ATP8A2: variants seen among roughly 807,000 people sequenced by gnomAD.
ATP8A2 encodes ATPase phospholipid transporting 8A2.
A neutral mutation model predicts 165.6 loss-of-function variants in ATP8A2; 100 were observed. That is an observed-to-expected ratio of 0.60 (90% CI 0.51 to 0.71). The LOEUF (loss-of-function observed/expected upper bound fraction) is 0.71, where lower values mean the gene tolerates loss of function less well. Among genes scored for constraint, ATP8A2 ranks in the 30% least tolerant of loss-of-function variants. The pLI is 0.00. For missense variants in ATP8A2, 1,227 were observed against 1,479.5 expected (o/e 0.83, Z 2.80); for synonymous variants, 543 against 548.8 (o/e 0.99, Z 0.15).
At chr13:25,818,872 C>A (rs1355515630) in intron 27 of ATP8A2, among the ~76,000 whole-genome samples, 1 of 152,022 alleles carries the variant, frequency 6.6e-6, no homozygotes, top group Non-Finnish European at 1.5e-5. Flanking sequence ...AGCCAGATAA[C>A]AATACAATAA....
At chr13:25,638,512 T>G (rs921327057) in intron 24 of ATP8A2, among the ~76,000 whole-genome samples, 8 of 152,030 alleles carry the variant, frequency 5.3e-5, no homozygotes, top group Admixed American at 4.6e-4. Context: ...TATCAGTGAT[T>G]GAAGATCAAA....
chr13:25,435,497 T>C (rs2034733443), intron 1 of ATP8A2, among the ~76,000 whole-genome samples: 1 of 152,190 alleles, frequency 6.6e-6, no homozygotes. Flanking sequence ...GCTTAAGTTT[T>C]GTTTTTATCA....
At chr13:25,624,001 C>T (rs2041042029) in intron 24 of ATP8A2, among the ~76,000 whole-genome samples, 1 of 151,892 alleles carries the variant, frequency 6.6e-6, no homozygotes, top group Admixed American at 6.6e-5. Flanking sequence ...CATCCTTCCC[C>T]TTCCTGGGCT....
chr13:25,915,311 A>G (rs1418582394), intron 33 of ATP8A2, among the ~76,000 whole-genome samples: 1 of 152,216 alleles, frequency 6.6e-6, no homozygotes, highest in East Asian at 1.9e-4. Flanking sequence ...CAGGCTAATT[A>G]TTTAAAAGAT....
intron 33 of ATP8A2, among the ~76,000 whole-genome samples, chr13:25,942,720 A>G (rs1047602066): frequency 2.0e-5 from 3 of 152,228 alleles, no homozygotes; most frequent in Non-Finnish European, 2.9e-5. Context: ...CACCGTGCCC[A>G]GCCAACTTAT....
intron 27 of ATP8A2, among the ~76,000 whole-genome samples, chr13:25,823,515 T>G (rs1951231698): frequency 6.6e-6 from 1 of 152,236 alleles, no homozygotes; most frequent in African/African-American, 2.4e-5. Flanking sequence ...CCTTGGTTTC[T>G]ATCTTTTACT....
chr13:25,452,986 T>G, intron 1 of ATP8A2, among the ~76,000 whole-genome samples: 1 of 151,630 alleles, frequency 6.6e-6, no homozygotes, highest in Admixed American at 6.6e-5. Flanking sequence ...TTCCAGCTAC[T>G]TGGGAGGCTG....
At chr13:25,858,754 C>T (rs1465207357) in intron 30 of ATP8A2, among the ~76,000 whole-genome samples, 1 of 152,170 alleles carries the variant, frequency 6.6e-6, no homozygotes, top group East Asian at 1.9e-4. Flanking sequence ...CTGCGGGCCA[C>T]AGACCAGAAC....
At chr13:25,885,088 T>C (rs1197882082) in intron 33 of ATP8A2, among the ~76,000 whole-genome samples, 1 of 149,014 alleles carries the variant, frequency 6.7e-6, no homozygotes, top group Non-Finnish European at 1.5e-5. Context: ...TGAGAGTCAG[T>C]CTCCTTTCTC....
intron 24 of ATP8A2, among the ~76,000 whole-genome samples, chr13:25,625,947 AGTTT>A (rs1293930706): frequency 4.6e-5 from 7 of 152,118 alleles, no homozygotes; most frequent in East Asian, 1.9e-4. Flanking sequence ...CTGGCTCTGA[AGTTT>A]GTTTGTTTGT....
intron 24 of ATP8A2, among the ~76,000 whole-genome samples, chr13:25,617,911 A>C (rs1223124705): frequency 6.6e-6 from 1 of 152,142 alleles, no homozygotes; most frequent in African/African-American, 2.4e-5. Flanking sequence ...TTGATCTGTA[A>C]ATTATGTGAA....
At chr13:25,820,727 A>G (rs1462233925) in intron 27 of ATP8A2, among the ~76,000 whole-genome samples, 4 of 152,220 alleles carry the variant, frequency 2.6e-5, no homozygotes, top group Non-Finnish European at 5.9e-5. Context: ...TCAGAGAGCC[A>G]TCGTTTACCT....
rs2038141525 is a variant in ATP8A2, at chr13:25,532,366, A to G, written c.466+49A>G. On this transcript the variant is annotated intron_variant, in intron 5 of 36. Transcript: ENST00000381655. ...TTTTCCACTGGAAAACTTAAGAATA[A>G]GGCCTGCATTTAAGGAATTTTAAAT... The G allele has an allele frequency of 2.2e-6, 3 of 1,355,714 alleles. 1 individual carries two copies. In the South Asian group the frequency reaches 3.9e-5, roughly 17 times the overall value. 84.0% of individuals were successfully genotyped at this position (1,355,714 alleles called of 1,614,324 possible). A position where few individuals can be genotyped will look rare whatever the true frequency, so the allele number is the denominator to read the frequency against.
chr13:25,424,900 G>A lies in ATP8A2; in HGVS notation c.77-44077G>A, dbSNP rs147904393. Among the ~76,000 whole-genome samples, 607 of 152,278 alleles carry A rather than the reference G, an allele frequency of 4.0e-3. 7 individuals carry two copies. Among genetic ancestry groups the A allele is most frequent in the African/African-American group, 0.013 (560 of 41,558 alleles). Reference sequence around the variant, plus strand: ...TTGAACCCAGGAGGCAGAGGTTGTAGTGAGCCAAGATTACACCATTACACT... The same window carrying A: ...TTGAACCCAGGAGGCAGAGGTTGTAATGAGCCAAGATTACACCATTACACT... On this transcript the variant is annotated intron_variant, in intron 1 of 36. Coordinates refer to ENST00000381655, the MANE Select transcript of ATP8A2 (RefSeq NM_016529.6).
intron 23 of ATP8A2, among the ~76,000 whole-genome samples, chr13:25,584,606 T>C (rs1467386691): frequency 2.0e-5 from 3 of 152,214 alleles, no homozygotes; most frequent in Non-Finnish European, 2.9e-5. Context: ...AACATTCTTA[T>C]AGCTCGAGGA....
At chr13:25,716,077 G>A (rs761160176) in intron 25 of ATP8A2, among the ~76,000 whole-genome samples, 1 of 152,158 alleles carries the variant, frequency 6.6e-6, no homozygotes, top group Non-Finnish European at 1.5e-5. Context: ...GATTAAAGAT[G>A]TTGAACAACT....
intron 25 of ATP8A2, among the ~76,000 whole-genome samples, chr13:25,739,059 T>G (rs1391362883): frequency 6.6e-6 from 1 of 152,234 alleles, no homozygotes; most frequent in Non-Finnish European, 1.5e-5. Context: ...GTAAAAGCTC[T>G]TCCATTTCTC....
intron 24 of ATP8A2, among the ~76,000 whole-genome samples, chr13:25,640,220 A>G (rs1425432144): frequency 1.3e-5 from 2 of 152,196 alleles, no homozygotes; most frequent in Non-Finnish European, 2.9e-5. Context: ...AAACACATTC[A>G]AAAGCTAGCA....
chr13:25,962,065 C>T (rs1955673035), intron 34 of ATP8A2, among the ~76,000 whole-genome samples: 1 of 152,064 alleles, frequency 6.6e-6, no homozygotes, highest in African/African-American at 2.4e-5. Context: ...AATACAGACA[C>T]AAAGGAGCCC....
Sources: allele counts gnomAD v4.1 joint callset (sites outside exome capture counted in the v4.1 genomes callset), GRCh38; gene constraint gnomAD v4.1.1; transcripts MANE v1.5; gene names NCBI Gene and HGNC (gene_info 2026-07-23, HGNC 2026-07-21).